RTL4: variants seen among roughly 807,000 people sequenced by gnomAD.
The protein encoded by RTL4 is retrotransposon Gag like 4.
RTL4 carries 4 observed loss-of-function variants against 5.3 expected under a neutral mutation model. The observed-to-expected ratio is 0.75, with a 90% CI of 0.37 to 1.72. The LOEUF (loss-of-function observed/expected upper bound fraction) is 1.72. Among genes scored for constraint, RTL4 ranks in the 40% most tolerant of loss-of-function variants. The probability of loss-of-function intolerance (pLI) is 0.04; values close to 1 mark genes in which losing one functional copy is unlikely to be tolerated. For missense variants in RTL4, 260 were observed against 227.1 expected (o/e 1.14, Z -0.93); for synonymous variants, 98 against 87.3 (o/e 1.12, Z -0.68).
the RTL4 span, among the ~76,000 whole-genome samples, chrX:112,134,025 T>C: frequency 1.8e-5 from 2 of 112,324 alleles, no homozygotes; most frequent in Admixed American, 1.9e-4. Context: ...AATAAACAAA[T>C]GTAGTGAAAA....
the RTL4 span, among the ~76,000 whole-genome samples, chrX:112,166,106 A>G: frequency 0.034 from 3,830 of 112,114 alleles, 80 homozygotes; most frequent in Non-Finnish European, 0.053. Flanking sequence ...GGTGCTGATT[A>G]GCAATGGCGT....
chrX:112,120,885 C>T, the RTL4 span, among the ~76,000 whole-genome samples: 1 of 111,735 alleles, frequency 8.9e-6, no homozygotes, highest in Non-Finnish European at 1.9e-5. Context: ...ACTCTGAATG[C>T]TTACACTTAG....
the RTL4 span, among the ~76,000 whole-genome samples, chrX:112,159,276 G>A: frequency 1.8e-3 from 203 of 112,261 alleles, no homozygotes; most frequent in African/African-American, 6.0e-3. Context: ...ATAGGCAGGA[G>A]TAGAGTCTTT....
At chrX:112,173,963 A>T in the RTL4 span, among the ~76,000 whole-genome samples, 2 of 110,025 alleles carry the variant, frequency 1.8e-5, no homozygotes, top group South Asian at 7.9e-4. Flanking sequence ...TAATCTAATA[A>T]TTTAAAGTCA....
At chrX:112,392,079 G>A in the RTL4 span, among the ~76,000 whole-genome samples, 3 of 111,722 alleles carry the variant, frequency 2.7e-5, no homozygotes, top group Admixed American at 9.4e-5. Context: ...ACAGTAGCTC[G>A]TTAGAAGTAT....
the RTL4 span, among the ~76,000 whole-genome samples, chrX:112,318,480 A>G: frequency 8.9e-6 from 1 of 112,251 alleles, no homozygotes; most frequent in Non-Finnish European, 1.9e-5. Context: ...AATTATTTTC[A>G]CCATTGAAGG....
At chrX:112,362,169 G>T in the RTL4 span, among the ~76,000 whole-genome samples, 15 of 112,047 alleles carry the variant, frequency 1.3e-4, no homozygotes, top group African/African-American at 4.2e-4. Flanking sequence ...CAAAGCCATG[G>T]GTCTTGCCGT....
the RTL4 span, among the ~76,000 whole-genome samples, chrX:112,392,649 C>T: frequency 1.8e-5 from 2 of 111,372 alleles, no homozygotes; most frequent in Non-Finnish European, 3.8e-5. Flanking sequence ...TCGAACACTT[C>T]AAAGCCCGAA....
the RTL4 span, among the ~76,000 whole-genome samples, chrX:112,412,475 C>G: frequency 7.4e-3 from 819 of 111,374 alleles, 7 homozygotes; most frequent in African/African-American, 0.026. Flanking sequence ...CTATATTAAC[C>G]AAAACAGCAT....
chrX:112,127,584 G>A, the RTL4 span, among the ~76,000 whole-genome samples: 1 of 111,616 alleles, frequency 9.0e-6, no homozygotes, highest in African/African-American at 3.3e-5. Flanking sequence ...GAGCCATTAG[G>A]TAAGATGAAG....
chrX:112,438,734 G>T, the RTL4 span, among the ~76,000 whole-genome samples: 1 of 112,066 alleles, frequency 8.9e-6, no homozygotes, highest in Non-Finnish European at 1.9e-5. Context: ...TTTTCAGGTG[G>T]TCAATAAATA....
chrX:112,098,913 C>T, the RTL4 span, among the ~76,000 whole-genome samples: 115 of 92,747 alleles, frequency 1.2e-3, no homozygotes, highest in Admixed American at 1.9e-3. Context: ...ACATGTTAGA[C>T]CTAAAACCAT....
At chrX:112,352,049 T>A in the RTL4 span, among the ~76,000 whole-genome samples, 4 of 111,558 alleles carry the variant, frequency 3.6e-5, no homozygotes, top group Non-Finnish European at 7.5e-5. Context: ...AGGAGCTCTT[T>A]TATGGCAGGC....
At chrX:112,142,831 T>C in the RTL4 span, among the ~76,000 whole-genome samples, 1 of 110,769 alleles carries the variant, frequency 9.0e-6, no homozygotes. Context: ...AAAGGAGAAA[T>C]TTTTTTTCTT....
chrX:112,276,977 T>G, the RTL4 span, among the ~76,000 whole-genome samples: 2 of 112,202 alleles, frequency 1.8e-5, no homozygotes, highest in Non-Finnish European at 3.8e-5. Context: ...TTTGTCAAAG[T>G]CAATGGTTTG....
the RTL4 span, among the ~76,000 whole-genome samples, chrX:112,197,809 C>T: frequency 5.2e-3 from 584 of 111,293 alleles, 5 homozygotes; most frequent in African/African-American, 0.018. Context: ...ATTTGTTTGT[C>T]TTTGTATTTT....
At chrX:112,396,750 T>A in the RTL4 span, among the ~76,000 whole-genome samples, 4 of 111,662 alleles carry the variant, frequency 3.6e-5, no homozygotes, top group East Asian at 1.1e-3. Context: ...TTGTTCTATT[T>A]CTATTTAAGA....
At chrX:112,408,657 A>G in the RTL4 span, among the ~76,000 whole-genome samples, 2 of 111,746 alleles carry the variant, frequency 1.8e-5, no homozygotes, top group African/African-American at 6.5e-5. Flanking sequence ...ATGCAAGTAC[A>G]AAAAGATGAT....
chrX:112,310,379 T>C, the RTL4 span, among the ~76,000 whole-genome samples: 2 of 21,804 alleles, frequency 9.2e-5, no homozygotes, highest in South Asian at 3.2e-3. Flanking sequence ...CATATATATA[T>C]ATATATATAT....
Sources: gnomAD v4.1 joint callset for allele counts (sites outside exome capture counted in the v4.1 genomes callset) on GRCh38, gnomAD v4.1.1 for gene constraint, MANE v1.5 for transcripts, NCBI Gene and HGNC (gene_info 2026-07-23, HGNC 2026-07-21) for gene names.